Variants in TUBGCP3 observed in about 807,000 individuals in gnomAD.
The protein encoded by TUBGCP3 is gamma-tubulin complex component 3.
TUBGCP3 carries 50 observed loss-of-function variants against 123.1 expected under a neutral mutation model. The observed-to-expected ratio is 0.41, with a 90% CI of 0.32 to 0.51. TUBGCP3 has a LOEUF of 0.51. TUBGCP3 is among the 20% of genes least tolerant of loss of function. The pLI, the probability that TUBGCP3 is intolerant of heterozygous loss-of-function variation, is 0.36. For synonymous variants in TUBGCP3, 405 were observed against 413.9 expected (o/e 0.98, Z 0.26); for missense variants, 882 against 1,127.0 (o/e 0.78, Z 3.11).
chr13:112,495,406 C>T (rs9604333), intron 20 of TUBGCP3, among the ~76,000 whole-genome samples: 13,416 of 152,152 alleles, frequency 0.088, 1,539 homozygotes, highest in African/African-American at 0.26. Context: ...GATGTGCTTC[C>T]AATATTTCAC....
At chr13:112,490,389 G>A (rs943376682) in intron 20 of TUBGCP3, among the ~76,000 whole-genome samples, 8 of 152,168 alleles carry the variant, frequency 5.3e-5, no homozygotes, top group Non-Finnish European at 8.8e-5. Context: ...CCAGGTAGCC[G>A]GGATTACAGG....
chr13:112,547,535 T>C (rs113243133), intron 10 of TUBGCP3, 85 bp downstream of exon 10: 24,047 of 1,160,842 alleles, frequency 0.021, 348 homozygotes, highest in Middle Eastern at 0.031. Flanking sequence ...GGGAAAGACG[T>C]GCATGGGAAA....
At chr13:112,527,519 G>A in intron 11 of TUBGCP3, 35 bp from the exon 12 acceptor site, 2 of 1,443,242 alleles carry the variant, frequency 1.4e-6, no homozygotes, top group Non-Finnish European at 1.9e-6. Context: ...GTTCAAGAGT[G>A]ATATTTATGG....
Position 112,549,322 on chromosome 13 carries a change from C to T in TUBGCP3, c.967-1146G>A, listed in dbSNP as rs375817622. Among the ~76,000 whole-genome samples, 251 of 116,052 alleles carry T rather than the reference C, an allele frequency of 2.2e-3. 1 individual carries two copies. The highest frequency in any genetic ancestry group is 7.3e-3 in the African/African-American group (225 of 30,646). 76.1% of individuals were successfully genotyped at this position (116,052 alleles called of 152,430 possible). On this transcript the variant is annotated intron_variant, in intron 8 of 21. Coordinates refer to ENST00000261965, the MANE Select transcript of TUBGCP3 (RefSeq NM_006322.6). ...GACACAGGGTGGGGAACTTGGATAC[C>T]GGGGCCTGTTGTGGGGTGGGGGGAG... is the stretch of plus-strand genomic sequence containing the variant.
At chr13:112,582,872 G>A (rs1263392978) in intron 1 of TUBGCP3, among the ~76,000 whole-genome samples, 3 of 152,182 alleles carry the variant, frequency 2.0e-5, no homozygotes, top group Non-Finnish European at 4.4e-5. Context: ...TGCCTGACCA[G>A]AGAGCAGTGC....
intron 1 of TUBGCP3, among the ~76,000 whole-genome samples, chr13:112,579,079 G>GA (rs1339656598): frequency 6.6e-6 from 1 of 152,000 alleles, no homozygotes; most frequent in African/African-American, 2.4e-5. Flanking sequence ...AAAATACTGA[G>GA]AAAAAATATG....
At chr13:112,602,781 T>A in the TUBGCP3 span, 1 of 152,246 alleles carries the variant, frequency 6.6e-6, no homozygotes, top group Admixed American at 6.5e-5. Context: ...CAGATGAGTC[T>A]GTATAATTTG....
the TUBGCP3 span, among the ~76,000 whole-genome samples, chr13:112,598,321 A>G: frequency 4.6e-5 from 7 of 151,676 alleles, no homozygotes; most frequent in South Asian, 1.3e-3. Flanking sequence ...TCCTTCAGGC[A>G]GAAGAAAAAT....
intron 10 of TUBGCP3, chr13:112,547,246 T>C (rs1879086496): frequency 2.5e-6 from 1 of 395,856 alleles, no homozygotes; most frequent in Admixed American, 4.4e-5. Context: ...TGGGGAGCCA[T>C]AACCAAGGAC....
rs545688614 is a variant in TUBGCP3, at chr13:112,514,845, T to C, written c.2086+1595A>G. Among the ~76,000 whole-genome samples, 41 of 152,332 alleles carry C rather than the reference T, an allele frequency of 2.7e-4. 2 individuals are homozygous for C. The East Asian group carries it at 7.1e-3, about 26-fold the overall frequency. ...ATATAAAGTTGTATTTATAAAAACATGCATGGCATTATTTATATCGGCAAA... is the reference window on the plus strand; with the variant it reads ...ATATAAAGTTGTATTTATAAAAACACGCATGGCATTATTTATATCGGCAAA... On this transcript the variant is annotated intron_variant, in intron 17 of 21. Coordinates refer to ENST00000261965, the MANE Select transcript of TUBGCP3 (RefSeq NM_006322.6).
chr13:112,555,933 G>C (rs1386848029), intron 6 of TUBGCP3, 119 bp downstream of exon 6: 8 of 1,190,564 alleles, frequency 6.7e-6, no homozygotes, highest in Non-Finnish European at 9.2e-6. Context: ...TTCATCATAA[G>C]AACAAGAAGA....
chr13:112,497,277 T>A (rs1033831507), intron 20 of TUBGCP3, among the ~76,000 whole-genome samples: 1 of 152,216 alleles, frequency 6.6e-6, no homozygotes, highest in Admixed American at 6.5e-5. Context: ...ATCGTGAGTA[T>A]ATCCGACTTT....
intron 20 of TUBGCP3, among the ~76,000 whole-genome samples, chr13:112,490,992 G>A (rs1352080869): frequency 2.0e-5 from 3 of 152,162 alleles, no homozygotes; most frequent in East Asian, 1.9e-4. Flanking sequence ...AGAGCTGAGC[G>A]AAAGAGTAAG....
At chr13:112,554,000 G>C (rs1266832933) in intron 8 of TUBGCP3, 57 bp downstream of exon 8, 5 of 1,584,526 alleles carry the variant, frequency 3.2e-6, no homozygotes, top group Non-Finnish European at 4.3e-6. Context: ...ATTTCAACTA[G>C]AGTAAGCGTT....
At chr13:112,498,944 A>T in intron 20 of TUBGCP3, 101 bp downstream of exon 20, 4 of 1,614,162 alleles carry the variant, frequency 2.5e-6, no homozygotes, top group Non-Finnish European at 3.4e-6. Context: ...AACCTGTCTG[A>T]CAATTTTGGC....
intron 20 of TUBGCP3, among the ~76,000 whole-genome samples, chr13:112,494,188 T>C (rs940229852): frequency 6.6e-6 from 1 of 151,898 alleles, no homozygotes; most frequent in Non-Finnish European, 1.5e-5. Flanking sequence ...ACGCTCTAGC[T>C]ATGGGAACGA....
chr13:112,488,940 C>T (rs1006030347), intron 21 of TUBGCP3, among the ~76,000 whole-genome samples: 1 of 132,008 alleles, frequency 7.6e-6, no homozygotes, highest in African/African-American at 2.9e-5. Context: ...ACAGGGGTCA[C>T]CCCCAGGTCC....
Position 112,511,335 on chromosome 13 carries a change from T to C in TUBGCP3, c.2086+5105A>G, listed in dbSNP as rs931814501. On this transcript the variant is annotated intron_variant, in intron 17 of 21. Coordinates refer to ENST00000261965, the MANE Select transcript of TUBGCP3 (RefSeq NM_006322.6). This position sits in a 1 kb window ranked among gnomAD's most constrained non-coding sequence, Gnocchi z 4.1. ...ACATGGAAAAGTGGCATTTTGGTTC[T>C]TCTCTCAATAATAATTATGTGCTTC... Among the ~76,000 whole-genome samples, 1 of 152,260 alleles carries C rather than the reference T, an allele frequency of 6.6e-6. No individual in the cohort carries two copies. The highest frequency in any genetic ancestry group is 1.5e-5 in the Non-Finnish European group (1 of 68,048).
chr13:112,571,415 A>G (rs1241272493), intron 1 of TUBGCP3, among the ~76,000 whole-genome samples: 1 of 152,210 alleles, frequency 6.6e-6, no homozygotes, highest in Non-Finnish European at 1.5e-5. Context: ...CCTTAATAGG[A>G]GGCTTAAAAT....
Sources: allele counts gnomAD v4.1 joint callset (sites outside exome capture counted in the v4.1 genomes callset), GRCh38; gene constraint gnomAD v4.1.1; non-coding constraint Gnocchi (gnomAD v3.1); transcripts MANE v1.5; gene names NCBI Gene and HGNC (gene_info 2026-07-23, HGNC 2026-07-21).